Variants in INTS2 observed in about 807,000 individuals in gnomAD.
The protein encoded by INTS2 is KIAA1287.
Under a neutral mutation model 139.6 loss-of-function variants are expected in INTS2, and 57 were observed. The observed-to-expected ratio is 0.41, with a 90% CI of 0.33 to 0.51. The LOEUF (loss-of-function observed/expected upper bound fraction) is 0.51. Among genes scored for constraint, INTS2 ranks in the 20% least tolerant of loss-of-function variants. The pLI, the probability that INTS2 is intolerant of heterozygous loss-of-function variation, is 0.28. For missense variants in INTS2, 1,196 were observed against 1,436.7 expected, an observed-to-expected ratio of 0.83 and a Z score of 2.71; for synonymous variants, 473 against 493.4, an observed-to-expected ratio of 0.96 and a Z score of 0.55.
At chr17:61,883,225 C>T (rs1000644056) in intron 16 of INTS2, among the ~76,000 whole-genome samples, 158 of 151,790 alleles carry the variant, frequency 1.0e-3, no homozygotes, top group African/African-American at 3.6e-3. Flanking sequence ...ACAGATTATA[C>T]AAAGAAGCCA....
At chr17:61,923,200 G>A (rs1017593015) in intron 3 of INTS2, among the ~76,000 whole-genome samples, 7 of 151,828 alleles carry the variant, frequency 4.6e-5, no homozygotes, top group Admixed American at 1.3e-4. Flanking sequence ...AAACTCGGCC[G>A]GGCGCAGTGG....
At chr17:61,896,183 T>C (rs2079346138) in intron 11 of INTS2, among the ~76,000 whole-genome samples, 1 of 137,578 alleles carries the variant, frequency 7.3e-6, no homozygotes, top group Non-Finnish European at 1.5e-5. Context: ...GAGCTTGCAG[T>C]GAGCCGAGAT....
At position 61,869,236 on chromosome 17, in the gene INTS2, G is replaced by C. The variant is rs1438123899; in HGVS notation, c.3138+37C>G. ...TGTATAACTAGTAAGACTGGAGAGA[G>C]AGATCAATTGTCCTAAAGCTCCAAA... is the stretch of plus-strand genomic sequence containing the variant. On this transcript the variant is annotated intron_variant, in intron 22 of 24. Transcript: ENST00000251334. This position sits in a 1 kb window ranked among gnomAD's most constrained non-coding sequence, Gnocchi z 5.4. 7.4e-6 allele frequency: 11 copies of C among 1,476,542 alleles called. No individual in the cohort carries two copies. The highest frequency in any genetic ancestry group is 1.2e-5 in the South Asian group (1 of 85,658). The allele number at this position is 1,476,542 out of a possible 1,614,324, so 91.5% of individuals were successfully genotyped here.
Position 61,877,915 on chromosome 17 carries a change from T to A in INTS2, c.2428A>T (p.Met810Leu), listed in dbSNP as rs2079139870. 1 of 1,613,452 alleles carries A rather than the reference T, an allele frequency of 6.2e-7. No homozygotes were observed. Among genetic ancestry groups the A allele is most frequent in the Admixed American group, 1.7e-5 (1 of 59,998 alleles). The change falls in exon 18 of 25, where the codon ATG becomes TTG. Residue 810 changes from methionine to leucine, a missense_variant. By Grantham distance (15) the Met-to-Leu change is conservative. Around this residue, in one of 3 missense-constraint regions of INTS2, gnomAD observed 1,129 missense variants for 1,341.9 expected, o/e 0.84. Transcript: ENST00000251334. Reference protein sequence around the residue: ...RILQTVNKLWMVLNTVMPRRL... With the variant: ...RILQTVNKLWLVLNTVMPRRL... ...CTAGGCATCACAGTATTAAGAACCATCCATAGTTTATTGACTGTTTGCAGA... is the reference window on the plus strand; with the variant it reads ...CTAGGCATCACAGTATTAAGAACCAACCATAGTTTATTGACTGTTTGCAGA...
At chr17:61,888,663 C>T (rs1238781690) in intron 15 of INTS2, among the ~76,000 whole-genome samples, 1 of 151,884 alleles carries the variant, frequency 6.6e-6, no homozygotes, top group Admixed American at 6.6e-5. Context: ...ATCTCAGCCT[C>T]CCAAAGTACC....
intron 16 of INTS2, among the ~76,000 whole-genome samples, chr17:61,883,571 C>T (rs1053524274): frequency 1.2e-4 from 18 of 151,638 alleles, no homozygotes; most frequent in African/African-American, 3.6e-4. Flanking sequence ...GCCAACATGG[C>T]GAAATGAGGT....
intron 15 of INTS2, among the ~76,000 whole-genome samples, chr17:61,887,054 A>G (rs1567896687): frequency 6.6e-6 from 1 of 152,218 alleles, no homozygotes; most frequent in Non-Finnish European, 1.5e-5. Flanking sequence ...TCCTGGTTCC[A>G]ATACTTATTA....
chr17:61,892,033 T>C (rs1440618425), intron 13 of INTS2, among the ~76,000 whole-genome samples: 1 of 152,044 alleles, frequency 6.6e-6, no homozygotes, highest in African/African-American at 2.4e-5. Flanking sequence ...GATAGGAATT[T>C]GGAGAGAGAG....
chr17:61,902,396 T>C (rs965940294), intron 9 of INTS2, among the ~76,000 whole-genome samples: 1 of 152,176 alleles, frequency 6.6e-6, no homozygotes, highest in African/African-American at 2.4e-5. Context: ...TTTCTTATCC[T>C]TTCCTCTTTT....
intron 3 of INTS2, among the ~76,000 whole-genome samples, chr17:61,923,845 G>T (rs1308436819): frequency 6.6e-6 from 1 of 152,070 alleles, no homozygotes; most frequent in Non-Finnish European, 1.5e-5. Flanking sequence ...TAGAAACGGG[G>T]TTTCTCCATG....
At chr17:61,906,363 A>G (rs1436946108) in intron 8 of INTS2, among the ~76,000 whole-genome samples, 1 of 151,970 alleles carries the variant, frequency 6.6e-6, no homozygotes, top group Non-Finnish European at 1.5e-5. Flanking sequence ...CTTTACAACT[A>G]CCTCCTCTGC....
intron 16 of INTS2, 69 bp from the exon 17 acceptor site, chr17:61,881,240 A>AT: frequency 8.3e-7 from 1 of 1,204,812 alleles, no homozygotes; most frequent in Non-Finnish European, 1.2e-6. Flanking sequence ...CACCCCTCTC[A>AT]TTTTTATCAA....
intron 7 of INTS2, 98 bp downstream of exon 7, chr17:61,911,422 C>T (rs1207722294): frequency 9.7e-7 from 1 of 1,029,414 alleles, no homozygotes. Flanking sequence ...AGTGTGAGAA[C>T]CACTTGTCTA....
intron 4 of INTS2, among the ~76,000 whole-genome samples, chr17:61,920,615 C>A (rs1457072134): frequency 6.6e-6 from 1 of 151,352 alleles, no homozygotes; most frequent in Admixed American, 6.6e-5. Context: ...ACCAGCCTGG[C>A]CAACATGGTG....
In INTS2 at chr17:61,925,044, C is replaced by G. The variant is rs201287879; in HGVS notation, c.349G>C (p.Gly117Arg). Residue 117 changes from glycine to arginine, a missense_variant, in exon 3 of 25, where the codon GGA becomes CGA. Physicochemically the swap from Gly to Arg is moderately radical, Grantham distance 125. This residue lies in a region of INTS2 where 1,129 missense variants were observed against 1,341.9 expected (regional missense o/e 0.84). Coordinates refer to ENST00000251334, the MANE Select transcript of INTS2 (RefSeq NM_001351695.2). The stretch of plus-strand genomic sequence containing the variant: ...CTGTGTTCAAACTCTAACGTCAGTC[C>G]ATGCTGAAGCTGTGATACCAGGATG... ...ESILVSQLQH[G>R]LTLEFEHSDS... is the part of the protein sequence containing the mutation. The G allele has an allele frequency of 6.2e-7, 1 of 1,613,792 alleles. No individual in the cohort carries two copies. Among genetic ancestry groups the G allele is most frequent in the Non-Finnish European group, 8.5e-7 (1 of 1,179,748 alleles).
chr17:61,878,260 A>G (rs1233401032), intron 17 of INTS2, among the ~76,000 whole-genome samples, 172 bp from the exon 18 acceptor site: 1 of 152,208 alleles, frequency 6.6e-6, no homozygotes, highest in Non-Finnish European at 1.5e-5. Context: ...AATTTCAACT[A>G]AACTTATTAA....
intron 5 of INTS2, among the ~76,000 whole-genome samples, chr17:61,917,292 C>T (rs1036982537): frequency 4.7e-4 from 71 of 152,300 alleles, no homozygotes; most frequent in African/African-American, 1.7e-3. Context: ...TGGATATATA[C>T]TCAAAGGACA....
intron 5 of INTS2, among the ~76,000 whole-genome samples, chr17:61,917,792 T>C (rs1214388965): frequency 6.6e-6 from 1 of 151,664 alleles, no homozygotes; most frequent in Non-Finnish European, 1.5e-5. Flanking sequence ...ACTTCGAATT[T>C]TTTTAAAAAG....
chr17:61,891,601 A>C lies in INTS2; in HGVS notation c.1787T>G (p.Leu596Arg). 6.2e-7 allele frequency: 1 copy of C among 1,613,564 alleles called. No individual in the cohort carries two copies. Among genetic ancestry groups the C allele is most frequent in the Non-Finnish European group, 8.5e-7 (1 of 1,179,550 alleles). ...PLIDVYINSILTPASKSNPEA... is the reference protein window; with the variant it reads ...PLIDVYINSIRTPASKSNPEA... The stretch of plus-strand genomic sequence containing the variant: ...TGGATTAGATTTCGACGCAGGAGTA[A>C]GTATAGAATTTATGTACACATCAAT... The change falls in exon 14 of 25, where the codon CTT (leucine) becomes CGT (arginine). Residue 596 changes from leucine (L) to arginine (R), a missense_variant. By Grantham distance (102) the Leu-to-Arg change is moderately radical. Coordinates refer to ENST00000251334, the MANE Select transcript of INTS2 (RefSeq NM_001351695.2).
Sources: allele counts gnomAD v4.1 joint callset (sites outside exome capture counted in the v4.1 genomes callset), GRCh38; gene constraint gnomAD v4.1.1; regional missense constraint gnomAD v4.1.1; non-coding constraint Gnocchi (gnomAD v3.1); transcripts MANE v1.5; gene names NCBI Gene and HGNC (gene_info 2026-07-23, HGNC 2026-07-21).